CIT: variants seen among roughly 807,000 people sequenced by gnomAD.
CIT encodes the protein citron rho-interacting serine/threonine kinase.
CIT carries 79 observed loss-of-function variants against 272.7 expected under a neutral mutation model. The observed-to-expected ratio is 0.29, with a 90% CI of 0.24 to 0.35. The LOEUF is 0.35. CIT is among the 10% of genes least tolerant of loss of function. The probability of loss-of-function intolerance (pLI) is 1.00; values close to 1 mark genes in which losing one functional copy is unlikely to be tolerated. For missense variants in CIT, 1,909 were observed against 2,618.3 expected, an observed-to-expected ratio of 0.73 and a Z score of 5.91; for synonymous variants, 948 against 995.6, an observed-to-expected ratio of 0.95 and a Z score of 0.90.
intron 20 of CIT, among the ~76,000 whole-genome samples, chr12:119,759,204 G>A (rs1027231248): frequency 5.9e-5 from 9 of 152,192 alleles, no homozygotes; most frequent in South Asian, 2.1e-4. Flanking sequence ...GAACCAGGCC[G>A]CACAGCAGGA....
intron 39 of CIT, among the ~76,000 whole-genome samples, chr12:119,709,762 A>AAGAGAG (rs764752861): frequency 1.2e-4 from 15 of 120,592 alleles, no homozygotes; most frequent in African/African-American, 3.1e-4. Flanking sequence ...TGGTTCAGGA[A>AAGAGAG]AGAGAGAGAG....
chr12:119,695,678 C>T (rs1221615995), intron 46 of CIT, among the ~76,000 whole-genome samples: 2 of 152,126 alleles, frequency 1.3e-5, no homozygotes, highest in Non-Finnish European at 2.9e-5. Context: ...CACCTGTAAT[C>T]CCAGCTGCTC....
In CIT at chr12:119,768,005, A is replaced by T. The variant is rs965822850; in HGVS notation, c.2209-823T>A. ...TGGCTCACTGCAACTTTCACCTCCC[A>T]GGTTCAAGCAATTCTCATGTCTCAG... On this transcript the variant is annotated intron_variant, in intron 18 of 47. Transcript: ENST00000392521. This position sits in a 1 kb window ranked among gnomAD's most constrained non-coding sequence, Gnocchi z 4.3. 2.0e-5 allele frequency among the ~76,000 whole-genome samples: 3 copies of T among 150,482 alleles called. No homozygotes were observed. The highest frequency in any genetic ancestry group is 2.9e-5 in the Non-Finnish European group (2 of 67,812).
intron 9 of CIT, among the ~76,000 whole-genome samples, chr12:119,812,295 C>T (rs995814241): frequency 3.3e-5 from 5 of 152,120 alleles, no homozygotes; most frequent in African/African-American, 1.2e-4. Flanking sequence ...TTCATCAGCA[C>T]CTGCTTGCTG....
At chr12:119,867,004 C>T (rs1403746805) in intron 3 of CIT, among the ~76,000 whole-genome samples, 1 of 151,974 alleles carries the variant, frequency 6.6e-6, no homozygotes, top group Non-Finnish European at 1.5e-5. Flanking sequence ...GGCCCTGAAA[C>T]TTCATGAAGA....
At chr12:119,698,836 G>C (rs1348473239) in intron 44 of CIT, among the ~76,000 whole-genome samples, 1 of 152,166 alleles carries the variant, frequency 6.6e-6, no homozygotes, top group African/African-American at 2.4e-5. Context: ...AAACTCATAT[G>C]AGCTTTTTTT....
Position 119,718,815 on chromosome 12 carries a change from A to G in CIT, c.3887T>C (p.Val1296Ala). The G allele has an allele frequency of 6.2e-7, 1 of 1,614,142 alleles. No homozygotes were observed. Among genetic ancestry groups the G allele is most frequent in the Non-Finnish European group, 8.5e-7 (1 of 1,180,012 alleles). ...CTTCAGCTCATTGTACTGCAGAGGAACCTGTGTGGGTAAAGCAGGGTCCTC... is the reference window on the plus strand; with the variant it reads ...CTTCAGCTCATTGTACTGCAGAGGAGCCTGTGTGGGTAAAGCAGGGTCCTC... ...RKEDPALPTQ[V>A]PLQYNELKLA... Residue 1296 changes from valine (V) to alanine (A), a missense_variant, in exon 31 of 48, where the codon GTT becomes GCT. Transcript: ENST00000392521. This position sits in a 1 kb window ranked among gnomAD's most constrained non-coding sequence, Gnocchi z 4.8.
chr12:119,740,751 T>C (rs1485527178), intron 24 of CIT, among the ~76,000 whole-genome samples: 1 of 152,128 alleles, frequency 6.6e-6, no homozygotes, highest in African/African-American at 2.4e-5. Flanking sequence ...AGCAAATAAT[T>C]CTTGTGTAAA....
chr12:119,852,337 A>G (rs1970273984), intron 4 of CIT, among the ~76,000 whole-genome samples: 2 of 152,232 alleles, frequency 1.3e-5, no homozygotes, highest in African/African-American at 4.8e-5. Context: ...AAAATCAAAG[A>G]ACTGCTCCAG....
Position 119,768,726 on chromosome 12 carries a change from C to G in CIT, c.2209-1544G>C, listed in dbSNP as rs1380649490. Among the ~76,000 whole-genome samples, 1 of 152,224 alleles carries G rather than the reference C, an allele frequency of 6.6e-6. No individual in the cohort carries two copies. Among genetic ancestry groups the G allele is most frequent in the African/African-American group, 2.4e-5 (1 of 41,450 alleles). On this transcript the variant is annotated intron_variant, in intron 18 of 47. Transcript: ENST00000392521. This position sits in a 1 kb window ranked among gnomAD's most constrained non-coding sequence, Gnocchi z 4.3. Reference sequence around the variant, plus strand: ...CATATTTTAAAAGGTTCTATATGTACTTGGCTAAACGATCTCTTGCAGTAA... The same window carrying G: ...CATATTTTAAAAGGTTCTATATGTAGTTGGCTAAACGATCTCTTGCAGTAA...
intron 13 of CIT, among the ~76,000 whole-genome samples, chr12:119,779,931 A>G (rs573049128): frequency 6.6e-6 from 1 of 152,358 alleles, no homozygotes; most frequent in East Asian, 1.9e-4. Flanking sequence ...CTGAGAGGTG[A>G]TCATCAGGTC....
chr12:119,767,808 G>A (rs1458115751), intron 18 of CIT, among the ~76,000 whole-genome samples: 6 of 151,272 alleles, frequency 4.0e-5, no homozygotes, highest in Non-Finnish European at 8.8e-5. Context: ...TGATAATAAT[G>A]ACATAAAAAT....
At chr12:119,791,477 G>C (rs966977994) in intron 10 of CIT, among the ~76,000 whole-genome samples, 1 of 152,184 alleles carries the variant, frequency 6.6e-6, no homozygotes, top group African/African-American at 2.4e-5. Flanking sequence ...TAGGTGGGAA[G>C]CAGGGTAGAT....
In CIT at chr12:119,773,024, A is replaced by C. The variant is rs557358053; in HGVS notation, c.1942-114T>G. The C allele has an allele frequency of 2.8e-6, 3 of 1,072,446 alleles. No homozygotes were observed. The East Asian group carries it at 8.5e-5, about 30-fold the overall frequency. The allele number at this position is 1,072,446 out of a possible 1,614,324, so 66.4% of individuals were successfully genotyped here. On this transcript the variant is annotated intron_variant, in intron 16 of 47. Transcript: ENST00000392521. ...ACTTAAAGTATAATCTAAAAAAAAA[A>C]AAAAAAAGATAGTGACAGTGTCCTA...
Position 119,766,738 on chromosome 12 carries a change from C to A in CIT, c.2304+349G>T, listed in dbSNP as rs370059724. 2.6e-5 allele frequency among the ~76,000 whole-genome samples: 4 copies of A among 151,726 alleles called. No homozygotes were observed. In the East Asian group the frequency reaches 5.8e-4, roughly 22 times the overall value. On this transcript the variant is annotated intron_variant, in intron 19 of 47. Transcript: ENST00000392521. ...TGTCTGTATCAAAACATCTCATGTA[C>A]CCCATAAATATATACACCTACTATG...
In CIT at chr12:119,714,272, G is replaced by C. The variant is rs753839865; in HGVS notation, c.4231C>G (p.Leu1411Val). The change falls in exon 33 of 48, where the codon CTG becomes GTG. Residue 1411 changes from leucine (L) to valine (V), a missense_variant. Physicochemically the swap from Leu to Val is conservative, Grantham distance 32 (BLOSUM62 1). This residue lies in a region of CIT where 780 missense variants were observed against 1,067.2 expected (regional missense o/e 0.73). Coordinates refer to ENST00000392521, the MANE Select transcript of CIT (RefSeq NM_001206999.2). ...GCACACTTTGTGGCTCGCATGTTCA[G>C]TCCTACGTTGAATCGGTGAGGAATA... is the stretch of plus-strand genomic sequence containing the variant. ...HNIPHRFNVGLNMRATKCAVC... is the reference protein window; with the variant it reads ...HNIPHRFNVGVNMRATKCAVC... 2 of 1,614,164 alleles carry C rather than the reference G, an allele frequency of 1.2e-6. No homozygotes were observed. The highest frequency in any genetic ancestry group is 1.7e-6 in the Non-Finnish European group (2 of 1,180,034).
chr12:119,790,156 G>C (rs1013459413), intron 10 of CIT, among the ~76,000 whole-genome samples: 1 of 152,134 alleles, frequency 6.6e-6, no homozygotes, highest in African/African-American at 2.4e-5. Flanking sequence ...TGGCCTCAGA[G>C]TCACCAGTTA....
chr12:119,857,444 C>A (rs1248241893), intron 4 of CIT, 79 bp downstream of exon 4: 2 of 1,429,918 alleles, frequency 1.4e-6, no homozygotes, highest in Admixed American at 3.7e-5. Flanking sequence ...ATCCTAGACG[C>A]CAGTGCAGCA....
chr12:119,692,624 C>A (rs897873936), intron 46 of CIT, among the ~76,000 whole-genome samples: 1 of 152,248 alleles, frequency 6.6e-6, no homozygotes, highest in African/African-American at 2.4e-5. Context: ...ATGACCACAA[C>A]AGGGTTGAGC....
Sources: allele counts gnomAD v4.1 joint callset (sites outside exome capture counted in the v4.1 genomes callset), GRCh38; gene constraint gnomAD v4.1.1; regional missense constraint gnomAD v4.1.1; non-coding constraint Gnocchi (gnomAD v3.1); transcripts MANE v1.5; gene names NCBI Gene and HGNC (gene_info 2026-07-23, HGNC 2026-07-21).